FECH: variants seen among roughly 807,000 people sequenced by gnomAD.
The protein encoded by FECH is ferrochelatase, mitochondrial.
A neutral mutation model predicts 56.9 loss-of-function variants in FECH; 40 were observed. The ratio of observed to expected loss-of-function variants is 0.70; its 90% CI spans 0.55 to 0.92. The LOEUF is 0.92. FECH is among the 40% of genes least tolerant of loss of function. The pLI is 0.00. For synonymous variants in FECH, 175 were observed against 198.6 expected, an observed-to-expected ratio of 0.88 and a Z score of 1.00; for missense variants, 431 against 529.1, an observed-to-expected ratio of 0.81 and a Z score of 1.82.
At chr18:57,578,482 G>A (rs1017710061) in intron 2 of FECH, among the ~76,000 whole-genome samples, 7 of 152,052 alleles carry the variant, frequency 4.6e-5, no homozygotes, top group East Asian at 3.9e-4. Flanking sequence ...AACCAGCCTC[G>A]GCAGCAAAAT....
At chr18:57,556,910 CAAAAAAAAA>C (rs57650194) in intron 7 of FECH, among the ~76,000 whole-genome samples, 10 of 44,370 alleles carry the variant, frequency 2.3e-4, no homozygotes, top group Admixed American at 1.6e-3. Context: ...GACCCTGTCT[CAAAAAAAAA>C]AAAAAAAAAA....
Position 57,551,295 on chromosome 18 carries a change from G to T in FECH, c.1137+20C>A, listed in dbSNP as rs772379635. The T allele has an allele frequency of 3.2e-6, 5 of 1,581,350 alleles. No homozygotes were observed. The highest frequency in any genetic ancestry group is 1.3e-5 in the African/African-American group (1 of 74,268). ...ACTCTCTGGTATGTTCTACTAAAAC[G>T]ATTGTAACACTGTAGATACCTTAGA... On this transcript the variant is annotated intron_variant, in intron 10 of 10. Coordinates refer to ENST00000262093, the MANE Select transcript of FECH (RefSeq NM_000140.5).
chr18:57,570,136 C>A (rs1027468155), intron 4 of FECH, among the ~76,000 whole-genome samples: 1 of 151,720 alleles, frequency 6.6e-6, no homozygotes, highest in African/African-American at 2.4e-5. Context: ...TCAAGCGATC[C>A]ACCTGCCTTG....
intron 4 of FECH, among the ~76,000 whole-genome samples, 177 bp downstream of exon 4, chr18:57,571,215 G>C (rs544083370): frequency 2.0e-5 from 3 of 152,144 alleles, no homozygotes; most frequent in Non-Finnish European, 4.4e-5. Flanking sequence ...CATAGCAAAG[G>C]CTAAAGGTCA....
chr18:57,584,258 G>A (rs2122376100), intron 1 of FECH, among the ~76,000 whole-genome samples: 1 of 148,562 alleles, frequency 6.7e-6, no homozygotes, highest in East Asian at 2.0e-4. Context: ...TTGGAAGACT[G>A]AGGCAGGAGG....
At chr18:57,573,847 T>C (rs571600697) in intron 2 of FECH, among the ~76,000 whole-genome samples, 19 of 152,334 alleles carry the variant, frequency 1.2e-4, no homozygotes, top group African/African-American at 4.3e-4. Flanking sequence ...TTCAGTCACT[T>C]AGCACGTGCT....
rs756625309 is a variant in FECH, at chr18:57,554,232, TG to T, written c.1077+27del. ...AATTTCCTTTTAAAACAAGTCATGATGGGAAAAAGGCAGATGGGTGCATTTA... is the reference window on the plus strand; with the variant it reads ...AATTTCCTTTTAAAACAAGTCATGATGGAAAAAGGCAGATGGGTGCATTTA... On this transcript the variant is annotated intron_variant, in intron 9 of 10. Coordinates refer to ENST00000262093, the MANE Select transcript of FECH (RefSeq NM_000140.5). 116 of 1,613,786 alleles carry T rather than the reference TG, an allele frequency of 7.2e-5. No individual in the cohort carries two copies. The African/African-American group carries it at 1.4e-3, about 20-fold the overall frequency.
At chr18:57,555,904 T>A (rs1017044129) in intron 7 of FECH, among the ~76,000 whole-genome samples, 4 of 152,160 alleles carry the variant, frequency 2.6e-5, no homozygotes, top group Non-Finnish European at 5.9e-5. Context: ...TGAGGTGGGC[T>A]GATCGCCTGA....
At chr18:57,570,214 G>A (rs568159832) in intron 4 of FECH, among the ~76,000 whole-genome samples, 2 of 152,284 alleles carry the variant, frequency 1.3e-5, no homozygotes, top group African/African-American at 4.8e-5. Context: ...CTCTGATCAT[G>A]ATAAACTGTT....
chr18:57,583,018 A>G (rs2051308535), intron 1 of FECH, among the ~76,000 whole-genome samples: 1 of 152,132 alleles, frequency 6.6e-6, no homozygotes, highest in Non-Finnish European at 1.5e-5. Flanking sequence ...AAGCTGCTTA[A>G]CTATTACCAT....
At chr18:57,559,000 T>C in intron 7 of FECH, 145 bp downstream of exon 7, 1 of 683,592 alleles carries the variant, frequency 1.5e-6, no homozygotes, top group East Asian at 2.7e-5. Context: ...GAAGTGAGGC[T>C]AGTTAGCACC....
chr18:57,554,666 C>T (rs925280371), intron 8 of FECH, among the ~76,000 whole-genome samples, 179 bp downstream of exon 8: 15 of 152,196 alleles, frequency 9.9e-5, no homozygotes, highest in Non-Finnish European at 2.9e-5. Flanking sequence ...TGGAGCTCCA[C>T]GAGTCACTTG....
At position 57,545,358 on chromosome 18, in the gene FECH, A is replaced by G. The variant is rs952916818; in HGVS notation, c.*5354T>C. ...TGGAAGCTAATGATTCCAGCTAAAA[A>G]CAACGAAGCCGGTACTATCACAGTA... is the stretch of plus-strand genomic sequence containing the variant. On this transcript the variant is annotated 3_prime_UTR_variant, in exon 11 of 11. Transcript: ENST00000262093. 6.6e-6 allele frequency among the ~76,000 whole-genome samples: 1 copy of G among 152,378 alleles called. No homozygotes were observed. Among genetic ancestry groups the G allele is most frequent in the Admixed American group, 6.5e-5 (1 of 15,308 alleles).
rs559567190 is a variant in FECH at position 57,546,891 on chromosome 18, C to T, written c.*3821G>A. 1.3e-5 allele frequency among the ~76,000 whole-genome samples: 2 copies of T among 148,762 alleles called. No individual in the cohort carries two copies. The highest frequency in any genetic ancestry group is 3.0e-5 in the Non-Finnish European group (2 of 67,660). On this transcript the variant is annotated 3_prime_UTR_variant, in exon 11 of 11. Transcript: ENST00000262093. The stretch of plus-strand genomic sequence containing the variant: ...AGGATGATCCTTTGAACCCAAGAGG[C>T]GGAGGTTGCAGTGAGCCGAGATCGT...
chr18:57,586,627 G>A lies in FECH; in HGVS notation c.-7C>T. On this transcript the variant is annotated 5_prime_UTR_variant, in exon 1 of 11. Transcript: ENST00000262093. ...TTGCGCCGAGTGAACGCATTGCCTGGGCAGCCTCGGCCCGAGTCCGGGCTC... is the reference window on the plus strand; with the variant it reads ...TTGCGCCGAGTGAACGCATTGCCTGAGCAGCCTCGGCCCGAGTCCGGGCTC... 1 of 1,515,228 alleles carries A rather than the reference G, an allele frequency of 6.6e-7. No individual in the cohort carries two copies. Among genetic ancestry groups the A allele is most frequent in the Non-Finnish European group, 8.8e-7 (1 of 1,138,058 alleles). 93.9% of individuals were successfully genotyped at this position (1,515,228 alleles called of 1,614,324 possible). A position where few individuals can be genotyped will look rare whatever the true frequency, so the allele number is the denominator to read the frequency against.
intron 2 of FECH, among the ~76,000 whole-genome samples, chr18:57,579,273 A>ATGTGTGTATATCTATATATG (rs1555681593): frequency 8.1e-6 from 1 of 124,204 alleles, no homozygotes; most frequent in African/African-American, 3.2e-5. Flanking sequence ...ATATATATAT[A>ATGTGTGTATATCTATATATG]TGTGTGTGTG....
intron 4 of FECH, 67 bp downstream of exon 4, chr18:57,571,325 T>C (rs1245552913): frequency 1.9e-6 from 3 of 1,540,644 alleles, no homozygotes; most frequent in Non-Finnish European, 1.8e-6. Context: ...CATCTACTAC[T>C]CTTTTGAATT....
At chr18:57,583,177 T>C (rs2051312399) in intron 1 of FECH, among the ~76,000 whole-genome samples, 1 of 152,164 alleles carries the variant, frequency 6.6e-6, no homozygotes, top group Non-Finnish European at 1.5e-5. Context: ...CCTAATGATC[T>C]GAAGATTCTA....
At chr18:57,568,662 C>CGT (rs2051050806) in intron 4 of FECH, among the ~76,000 whole-genome samples, 1 of 152,094 alleles carries the variant, frequency 6.6e-6, no homozygotes, top group South Asian at 2.1e-4. Flanking sequence ...GCCTAGCTTA[C>CGT]GTACCCTCAG....
Sources: allele counts gnomAD v4.1 joint callset (sites outside exome capture counted in the v4.1 genomes callset), GRCh38; gene constraint gnomAD v4.1.1; transcripts MANE v1.5; gene names NCBI Gene and HGNC (gene_info 2026-07-23, HGNC 2026-07-21).